Variants in DNAH11 observed in about 807,000 individuals in gnomAD.
DNAH11 encodes axonemal beta dynein heavy chain 11.
DNAH11 carries 442 observed loss-of-function variants against 526.0 expected under a neutral mutation model. The ratio of observed to expected loss-of-function variants is 0.84; its 90% CI spans 0.78 to 0.91. The LOEUF (loss-of-function observed/expected upper bound fraction) is 0.91, where lower values mean the gene tolerates loss of function less well. DNAH11 is among the 40% of genes least tolerant of loss of function. The pLI is 0.00. For synonymous variants in DNAH11, 2,461 were observed against 1,935.9 expected (o/e 1.27, Z -7.12); for missense variants, 6,989 against 5,448.7 (o/e 1.28, Z -8.90).
At chr7:21,775,993 G>T (rs1226929872) in intron 56 of DNAH11, among the ~76,000 whole-genome samples, 1 of 152,150 alleles carries the variant, frequency 6.6e-6, no homozygotes, top group Non-Finnish European at 1.5e-5. Context: ...AAGCAAGTGG[G>T]GTACCATCCT....
At chr7:21,677,464 C>T (rs920128565) in intron 30 of DNAH11, among the ~76,000 whole-genome samples, 2 of 152,180 alleles carry the variant, frequency 1.3e-5, no homozygotes, top group Non-Finnish European at 1.5e-5. Flanking sequence ...TCACTGCAGC[C>T]TATACATCTC....
chr7:21,622,242 C>G lies in DNAH11; in HGVS notation c.4500+2164C>G, dbSNP rs903332099. 3.3e-4 allele frequency among the ~76,000 whole-genome samples: 50 copies of G among 151,980 alleles called. 1 individual carries two copies. The highest frequency in any genetic ancestry group is 1.6e-4 in the Non-Finnish European group (11 of 67,988). On this transcript the variant is annotated intron_variant, in intron 25 of 81. Coordinates refer to ENST00000409508, the MANE Select transcript of DNAH11 (RefSeq NM_001277115.2). ...CAATTGCTTCAAAGAGAATAAAATA[C>G]CTAGGAATCCAACTTACAAGGGATG...
At chr7:21,896,336 C>G (rs1562609664) in intron 79 of DNAH11, among the ~76,000 whole-genome samples, 1 of 152,112 alleles carries the variant, frequency 6.6e-6, no homozygotes, top group African/African-American at 2.4e-5. Context: ...CACTCTCCTT[C>G]TTGATTGATA....
intron 46 of DNAH11, among the ~76,000 whole-genome samples, chr7:21,736,747 A>T (rs557112528): frequency 1.4e-4 from 21 of 152,246 alleles, no homozygotes; most frequent in Middle Eastern, 3.4e-3. Flanking sequence ...CCAGCTACTC[A>T]GGAGGCTGAG....
At chr7:21,696,812 C>T (rs1783872665) in intron 35 of DNAH11, among the ~76,000 whole-genome samples, 1 of 152,058 alleles carries the variant, frequency 6.6e-6, no homozygotes, top group African/African-American at 2.4e-5. Context: ...GGAGTGGGTA[C>T]CTCATAGTGT....
At chr7:21,596,313 T>G (rs1309776881) in intron 14 of DNAH11, among the ~76,000 whole-genome samples, 2 of 152,186 alleles carry the variant, frequency 1.3e-5, no homozygotes, top group Non-Finnish European at 2.9e-5. Context: ...GGCAGGGCCA[T>G]GCTCCCTCAG....
At chr7:21,544,896 G>C in intron 1 of DNAH11, 110 bp from the exon 2 acceptor site, 1 of 866,484 alleles carries the variant, frequency 1.2e-6, no homozygotes, top group Admixed American at 3.1e-5. Flanking sequence ...GGGCAGGCAA[G>C]ATGCCAGGTT....
rs535524168 is a variant in DNAH11 at position 21,606,496 on chromosome 7, A to G, written c.3719A>G (p.His1240Arg). 6.2e-7 allele frequency: 1 copy of G among 1,611,452 alleles called. No individual in the cohort carries two copies. Among genetic ancestry groups the G allele is most frequent in the East Asian group, 2.2e-5 (1 of 44,864 alleles). ...ATVRHEVSPL[H>R]NAEVTLIRKK... ...GTCAGACATGAAGTCTCACCTCTCC[A>G]TAATGCGGAAGTCACTCTTATAAGG... The change falls in exon 19 of 82, where the codon CAT becomes CGT. Residue 1240 changes from histidine (H) to arginine (R), a missense_variant. By Grantham distance (29) the His-to-Arg change is conservative. Transcript: ENST00000409508.
chr7:21,619,837 A>G (rs997983718), intron 24 of DNAH11, 119 bp from the exon 25 acceptor site: 2 of 954,228 alleles, frequency 2.1e-6, no homozygotes, highest in Admixed American at 5.7e-5. Flanking sequence ...AACTCAAGCC[A>G]ATAATACTTG....
intron 62 of DNAH11, among the ~76,000 whole-genome samples, chr7:21,803,079 C>T (rs1318969323): frequency 6.6e-6 from 1 of 151,826 alleles, no homozygotes; most frequent in Non-Finnish European, 1.5e-5. Context: ...TATTAGAAAG[C>T]ATATAACATA....
intron 65 of DNAH11, among the ~76,000 whole-genome samples, chr7:21,824,253 T>C (rs10229866): frequency 0.21 from 32,502 of 151,980 alleles, 3,757 homozygotes; most frequent in African/African-American, 0.3. Context: ...CATAATAAAT[T>C]AGACATGTAT....
chr7:21,651,018 A>T (rs1268071494), intron 28 of DNAH11, among the ~76,000 whole-genome samples: 1 of 151,970 alleles, frequency 6.6e-6, no homozygotes, highest in Non-Finnish European at 1.5e-5. Flanking sequence ...GTTTTTACAC[A>T]TGTAAAAATC....
At chr7:21,857,375 G>C (rs1187710789) in intron 68 of DNAH11, among the ~76,000 whole-genome samples, 5 of 152,134 alleles carry the variant, frequency 3.3e-5, no homozygotes, top group Non-Finnish European at 5.9e-5. Flanking sequence ...ATATTGTTAA[G>C]ATGTCAGTTC....
rs776830736 is a variant in DNAH11 at position 21,690,814 on chromosome 7, T to C, written c.5974T>C (p.Phe1992Leu). Reference sequence around the variant, plus strand: ...CACACTGAAGCCATCAGTTGGAATATTTATTACTATGAACCCGGGTTATGC... The same window carrying C: ...CACACTGAAGCCATCAGTTGGAATACTTATTACTATGAACCCGGGTTATGC... ...AITLKPSVGI[F>L]ITMNPGYAGR... The change falls in exon 35 of 82, where the codon TTT (phenylalanine) becomes CTT (leucine). Residue 1992 changes from phenylalanine to leucine, a missense_variant. Physicochemically the swap from Phe to Leu is conservative, Grantham distance 22. Transcript: ENST00000409508. 6 of 1,612,204 alleles carry C rather than the reference T, an allele frequency of 3.7e-6. No individual in the cohort carries two copies. In the East Asian group the frequency reaches 1.1e-4, roughly 30 times the overall value.
intron 54 of DNAH11, among the ~76,000 whole-genome samples, chr7:21,764,985 A>G (rs758802907): frequency 6.6e-6 from 1 of 152,224 alleles, no homozygotes; most frequent in Non-Finnish European, 1.5e-5. Context: ...ATTAAAGATG[A>G]TAAGACATTG....
In DNAH11 at chr7:21,702,700, T is replaced by C; in HGVS notation, c.6181-10T>C. The C allele has an allele frequency of 6.2e-7, 1 of 1,612,238 alleles. No individual in the cohort carries two copies. The highest frequency in any genetic ancestry group is 1.3e-5 in the African/African-American group (1 of 75,014). The stretch of plus-strand genomic sequence containing the variant: ...CAATTTTTGAGAAAATAAACCTGTT[T>C]TGATTTTAGGATCATTACGACTGGG... On this transcript the variant is annotated splice_polypyrimidine_tract_variant and intron_variant, in intron 36 of 81. Coordinates refer to ENST00000409508, the MANE Select transcript of DNAH11 (RefSeq NM_001277115.2).
intron 45 of DNAH11, among the ~76,000 whole-genome samples, chr7:21,727,456 C>G (rs537770539): frequency 7.9e-5 from 12 of 152,198 alleles, no homozygotes; most frequent in Non-Finnish European, 1.8e-4. Context: ...TATGTTTAAT[C>G]TCGTCTATTC....
chr7:21,658,200 C>G (rs1051698006), intron 29 of DNAH11, among the ~76,000 whole-genome samples: 2 of 151,858 alleles, frequency 1.3e-5, no homozygotes, highest in Non-Finnish European at 2.9e-5. Flanking sequence ...AGCAGTTGTC[C>G]TATGTCTAAT....
intron 25 of DNAH11, among the ~76,000 whole-genome samples, chr7:21,629,357 C>T (rs1181609703): frequency 2.0e-5 from 3 of 152,074 alleles, no homozygotes; most frequent in Non-Finnish European, 4.4e-5. Flanking sequence ...CATGTGCTGA[C>T]AAAAAGGATT....
Sources: gnomAD v4.1 joint callset for allele counts (sites outside exome capture counted in the v4.1 genomes callset) on GRCh38, gnomAD v4.1.1 for gene constraint, MANE v1.5 for transcripts, NCBI Gene and HGNC (gene_info 2026-07-23, HGNC 2026-07-21) for gene names.